Variants in USP18 observed in about 807,000 individuals in gnomAD.
USP18 encodes ubiquitin specific peptidase 18.
Under a neutral mutation model 48.7 loss-of-function variants are expected in USP18, and 11 were observed. That is an observed-to-expected ratio of 0.23 (90% CI 0.14 to 0.37). The LOEUF is 0.37. Ranked by LOEUF, USP18 falls within the 10% of genes least tolerant of loss-of-function variation. The pLI is 1.00. For synonymous variants in USP18, 114 were observed against 163.2 expected (o/e 0.70, Z 2.30); for missense variants, 285 against 436.4 (o/e 0.65, Z 3.09).
intron 2 of USP18, among the ~76,000 whole-genome samples, chr22:18,158,156 C>T (rs889090142): frequency 6.6e-6 from 1 of 152,136 alleles, no homozygotes; most frequent in East Asian, 1.9e-4. Flanking sequence ...GGCGCAGTGG[C>T]AGGTGCCTGT....
intron 10 of USP18, among the ~76,000 whole-genome samples, chr22:18,176,451 A>G (rs1929798887): frequency 1.1e-5 from 1 of 90,452 alleles, no homozygotes; most frequent in African/African-American, 4.7e-5. Flanking sequence ...GAGTATGCTC[A>G]TATCCACGTG....
intron 1 of USP18, among the ~76,000 whole-genome samples, chr22:18,151,831 T>C (rs1231565320): frequency 6.6e-6 from 1 of 152,110 alleles, no homozygotes; most frequent in Non-Finnish European, 1.5e-5. Flanking sequence ...CCGAGGCAGG[T>C]GGATCACGAG....
intron 7 of USP18, among the ~76,000 whole-genome samples, chr22:18,170,306 C>T (rs1239843596): frequency 3.9e-5 from 6 of 152,192 alleles, no homozygotes; most frequent in Middle Eastern, 3.4e-3. Context: ...TCAGAGGCCC[C>T]GAGGACACCC....
chr22:18,166,387 T>C (rs1171616317), intron 4 of USP18, among the ~76,000 whole-genome samples: 1 of 152,192 alleles, frequency 6.6e-6, no homozygotes, highest in Non-Finnish European at 1.5e-5. Flanking sequence ...TTTGAACATA[T>C]TATAACGGCT....
At chr22:18,174,225 TTTCTTTTC>T (rs1929717039) in intron 10 of USP18, among the ~76,000 whole-genome samples, 1 of 149,588 alleles carries the variant, frequency 6.7e-6, no homozygotes, top group African/African-American at 2.5e-5. Flanking sequence ...TTTCTTTTCT[TTTCTTTTC>T]TTTTTTTTTT....
chr22:18,165,871 C>T (rs1236380340), intron 4 of USP18, among the ~76,000 whole-genome samples: 5 of 150,970 alleles, frequency 3.3e-5, no homozygotes, highest in South Asian at 2.1e-4. Flanking sequence ...GATAACTGCC[C>T]GGTAGAAAAC....
chr22:18,160,825 G>A (rs1035932372), intron 3 of USP18, among the ~76,000 whole-genome samples: 59 of 145,006 alleles, frequency 4.1e-4, no homozygotes, highest in African/African-American at 1.4e-3. Flanking sequence ...GCTGGAGTGC[G>A]ACGGTGCAAT....
In USP18 at chr22:18,161,957, C is replaced by T. The variant is rs200176553; in HGVS notation, c.400+22C>T. The T allele has an allele frequency of 3.5e-5, 55 of 1,593,938 alleles. No homozygotes were observed. In the East Asian group the frequency reaches 5.9e-4, roughly 17 times the overall value. On this transcript the variant is annotated intron_variant, in intron 4 of 10. Transcript: ENST00000215794. ...CCCTGTAAGATACCCTCCCACTGGG[C>T]TCCTGGCTGCTGATCCAAAGGGGAT... is the stretch of plus-strand genomic sequence containing the variant.
intron 1 of USP18, among the ~76,000 whole-genome samples, chr22:18,152,192 G>A (rs913194920): frequency 5.9e-5 from 9 of 152,184 alleles, no homozygotes; most frequent in African/African-American, 1.7e-4. Flanking sequence ...CATGTTCCTG[G>A]CAGGTTAATT....
At chr22:18,164,207 T>C (rs1267424460) in intron 4 of USP18, among the ~76,000 whole-genome samples, 1 of 151,992 alleles carries the variant, frequency 6.6e-6, no homozygotes, top group Non-Finnish European at 1.5e-5. Context: ...AGAGGAGCAC[T>C]GGTTTCCTGC....
intron 1 of USP18, among the ~76,000 whole-genome samples, chr22:18,155,392 G>C (rs1235236595): frequency 6.6e-6 from 1 of 152,238 alleles, no homozygotes; most frequent in Non-Finnish European, 1.5e-5. Context: ...CTCGCTCTCG[G>C]TGCCTCCTCG....
intron 1 of USP18, among the ~76,000 whole-genome samples, chr22:18,152,517 T>TTTTTG (rs201363862): frequency 0.013 from 1,959 of 151,066 alleles, 23 homozygotes; most frequent in Middle Eastern, 0.024. Flanking sequence ...GTATTTGGGA[T>TTTTTG]TTTTGTTTTG....
intron 5 of USP18, among the ~76,000 whole-genome samples, chr22:18,167,667 C>T (rs1036414752): frequency 1.8e-4 from 25 of 141,662 alleles, no homozygotes; most frequent in Non-Finnish European, 2.6e-4. Context: ...CACTGCACTC[C>T]AGCCTGGGTG....
rs1466930801 is a variant in USP18, at chr22:18,168,045, A to C, written c.627+9A>C. 6.2e-7 allele frequency: 1 copy of C among 1,613,690 alleles called. No individual in the cohort carries two copies. The highest frequency in any genetic ancestry group is 2.2e-5 in the East Asian group (1 of 44,868). ...AGCCCCTGAAGACACTGGTAAGGGGATTCTCTTGGTATTTGCTGCCCCTGT... is the reference window on the plus strand; with the variant it reads ...AGCCCCTGAAGACACTGGTAAGGGGCTTCTCTTGGTATTTGCTGCCCCTGT... On this transcript the variant is annotated intron_variant, in intron 6 of 10. Transcript: ENST00000215794.
Position 18,169,723 on chromosome 22 carries a change from C to A in USP18, c.628-121C>A, listed in dbSNP as rs184732999. On this transcript the variant is annotated intron_variant, in intron 6 of 10. Coordinates refer to ENST00000215794, the MANE Select transcript of USP18 (RefSeq NM_017414.4). ...GCAGAACCATGGGCCAATCAAACTT[C>A]TTTTCTTATAAATTACCCAGTCTCA... 6.4e-4 allele frequency: 792 copies of A among 1,242,880 alleles called. 7 individuals carry two copies. In the East Asian group the frequency reaches 0.012, roughly 19 times the overall value. 77.0% of individuals were successfully genotyped at this position (1,242,880 alleles called of 1,614,324 possible).
chr22:18,162,373 G>T (rs2123733577), intron 4 of USP18, among the ~76,000 whole-genome samples: 1 of 150,452 alleles, frequency 6.6e-6, no homozygotes, highest in Admixed American at 6.6e-5. Flanking sequence ...CAATTCAAAG[G>T]TTTGTAGTGT....
chr22:18,154,817 C>T (rs1007586907), intron 1 of USP18, among the ~76,000 whole-genome samples: 2 of 152,176 alleles, frequency 1.3e-5, no homozygotes, highest in Non-Finnish European at 2.9e-5. Context: ...TCTGATTGAC[C>T]TTGATCCTTA....
chr22:18,152,383 G>C (rs1205646702), intron 1 of USP18, among the ~76,000 whole-genome samples: 1 of 151,548 alleles, frequency 6.6e-6, no homozygotes, highest in African/African-American at 2.4e-5. Flanking sequence ...GTGGGCCTGG[G>C]CCAGTTCCTT....
chr22:18,163,382 G>A (rs1010291303), intron 4 of USP18, among the ~76,000 whole-genome samples: 3 of 152,098 alleles, frequency 2.0e-5, no homozygotes, highest in Non-Finnish European at 4.4e-5. Flanking sequence ...GGTGGCTCAC[G>A]CCTGTAATCC....
Sources: allele counts gnomAD v4.1 joint callset (sites outside exome capture counted in the v4.1 genomes callset), GRCh38; gene constraint gnomAD v4.1.1; transcripts MANE v1.5; gene names NCBI Gene and HGNC (gene_info 2026-07-23, HGNC 2026-07-21).